The following ARHGEF28 variants were observed in gnomAD, a reference collection of about 807,000 sequenced individuals.
ARHGEF28 encodes the protein 190 kDa guanine nucleotide exchange factor.
A neutral mutation model predicts 206.6 loss-of-function variants in ARHGEF28; 152 were observed. That is an observed-to-expected ratio of 0.74 (90% CI 0.64 to 0.84). ARHGEF28 has a LOEUF of 0.84. Ranked by LOEUF, ARHGEF28 falls within the 40% of genes least tolerant of loss-of-function variation. The pLI is 0.00. For synonymous variants in ARHGEF28, 763 were observed against 776.4 expected (o/e 0.98, Z 0.29); for missense variants, 2,028 against 2,073.2 (o/e 0.98, Z 0.42).
At chr5:73,801,462 T>TA (rs1168088765) in intron 9 of ARHGEF28, among the ~76,000 whole-genome samples, 3 of 151,528 alleles carry the variant, frequency 2.0e-5, no homozygotes, top group East Asian at 1.9e-4. Context: ...ATAAAAAAAA[T>TA]AAAAAAATAA....
rs568656928 is a variant in ARHGEF28, at chr5:73,759,223, G to A, written c.475+6021G>A. Among the ~76,000 whole-genome samples the A allele has an allele frequency of 1.2e-3, 181 of 152,290 alleles. 1 individual carries two copies. Among genetic ancestry groups the A allele is most frequent in the African/African-American group, 4.2e-3 (175 of 41,552 alleles). ...CCTTAACTTGCAAATAACACCAATA[G>A]AGTTATAACAACCACAACAGATTTA... On this transcript the variant is annotated intron_variant, in intron 4 of 35. Transcript: ENST00000513042.
At position 73,892,038 on chromosome 5, in the gene ARHGEF28, C is replaced by G; in HGVS notation, c.3388-14C>G. ...GGATGCTGTTTCATCTGCTCACCTT[C>G]CTATTTTATGTAGGATCAGAAGCCA... On this transcript the variant is annotated splice_polypyrimidine_tract_variant and intron_variant, in intron 26 of 35. Coordinates refer to ENST00000513042, the MANE Select transcript of ARHGEF28 (RefSeq NM_001177693.2). The G allele has an allele frequency of 6.3e-7, 1 of 1,591,988 alleles. No individual in the cohort carries two copies. Among genetic ancestry groups the G allele is most frequent in the Non-Finnish European group, 8.6e-7 (1 of 1,167,686 alleles).
At chr5:73,859,705 T>G (rs1346817603) in intron 16 of ARHGEF28, among the ~76,000 whole-genome samples, 1 of 152,228 alleles carries the variant, frequency 6.6e-6, no homozygotes, top group East Asian at 1.9e-4. Flanking sequence ...GGGTTGTTTC[T>G]GGCCTGCCCA....
chr5:73,886,905 G>A (rs1170412483), intron 25 of ARHGEF28, among the ~76,000 whole-genome samples: 1 of 152,226 alleles, frequency 6.6e-6, no homozygotes, highest in African/African-American at 2.4e-5. Flanking sequence ...ACATCCATAG[G>A]TAGGCAGTGA....
chr5:73,657,957 A>G (rs1745323597), intron 1 of ARHGEF28, among the ~76,000 whole-genome samples: 1 of 152,154 alleles, frequency 6.6e-6, no homozygotes, highest in African/African-American at 2.4e-5. Context: ...GATTCTTCGT[A>G]GGACATCACT....
At chr5:73,756,321 T>C (rs902931853) in intron 4 of ARHGEF28, among the ~76,000 whole-genome samples, 2 of 152,206 alleles carry the variant, frequency 1.3e-5, no homozygotes, top group Non-Finnish European at 2.9e-5. Context: ...GCAGATACAA[T>C]TGGTTTGGAC....
intron 16 of ARHGEF28, chr5:73,863,349 C>A (rs1759512713): frequency 6.6e-6 from 1 of 152,086 alleles, no homozygotes; most frequent in South Asian, 2.1e-4. Context: ...TTTCTGATCT[C>A]TTCCTTGGGT....
chr5:73,801,371 C>T (rs1210049687), intron 9 of ARHGEF28, among the ~76,000 whole-genome samples: 3 of 151,868 alleles, frequency 2.0e-5, no homozygotes, highest in Non-Finnish European at 2.9e-5. Context: ...GGCGTGAACC[C>T]GGGAGGCAGA....
At chr5:73,727,626 C>T (rs2112342952) in intron 2 of ARHGEF28, among the ~76,000 whole-genome samples, 1 of 152,244 alleles carries the variant, frequency 6.6e-6, no homozygotes, top group Admixed American at 6.5e-5. Context: ...GGTTCTGTCC[C>T]CCTGAGACAT....
Position 73,813,786 on chromosome 5 carries a change from C to T in ARHGEF28, c.1024+18395C>T, listed in dbSNP as rs1395372086. 9 of 1,174,178 alleles carry T rather than the reference C, an allele frequency of 7.7e-6. No individual in the cohort carries two copies. In the East Asian group the frequency reaches 2.1e-4, roughly 27 times the overall value. The allele number at this position is 1,174,178 out of a possible 1,614,324, so 72.7% of individuals were successfully genotyped here. On this transcript the variant is annotated intron_variant, in intron 9 of 35. Transcript: ENST00000513042. ...CCAATGTAGCGCGTGTTTATACGTG[C>T]CTTTATAAAACACTCACTGTACAGA...
At chr5:73,684,935 C>A in intron 2 of ARHGEF28, 51 bp downstream of exon 2, 1 of 1,583,696 alleles carries the variant, frequency 6.3e-7, no homozygotes, top group Non-Finnish European at 8.6e-7. Context: ...TTCTTAACTC[C>A]AAACCATGTG....
chr5:73,681,384 A>G lies in ARHGEF28; in HGVS notation c.-11-3457A>G, dbSNP rs553703823. Among the ~76,000 whole-genome samples the G allele has an allele frequency of 8.5e-5, 13 of 152,300 alleles. No homozygotes were observed. In the East Asian group the frequency reaches 1.5e-3, roughly 18 times the overall value. On this transcript the variant is annotated intron_variant, in intron 1 of 35. Transcript: ENST00000513042. ...ACTTGTTAATGTTCTTGGGTTGGCC[A>G]TTATTTTTATTTTATGGGTGGCTGG...
chr5:73,881,037 GT>G (rs34727630), intron 22 of ARHGEF28, among the ~76,000 whole-genome samples: 7,343 of 146,762 alleles, frequency 0.05, 598 homozygotes, highest in African/African-American at 0.17. Context: ...TTAAGTTCAG[GT>G]TTTTTTTTTT....
chr5:73,775,682 T>G (rs1753501018), intron 5 of ARHGEF28, among the ~76,000 whole-genome samples: 1 of 152,194 alleles, frequency 6.6e-6, no homozygotes, highest in East Asian at 1.9e-4. Context: ...CTGGGAACAA[T>G]CTGGTGGGAT....
intron 5 of ARHGEF28, among the ~76,000 whole-genome samples, chr5:73,774,974 A>G (rs1753461831): frequency 6.6e-6 from 1 of 152,238 alleles, no homozygotes; most frequent in African/African-American, 2.4e-5. Flanking sequence ...ATAGTTATGT[A>G]GTACATAAGT....
chr5:73,653,362 A>G (rs567907225), intron 1 of ARHGEF28, among the ~76,000 whole-genome samples: 1 of 152,364 alleles, frequency 6.6e-6, no homozygotes, highest in African/African-American at 2.4e-5. Context: ...AGGTGTCTGT[A>G]TATCGAGTAT....
At chr5:73,700,978 T>C (rs1748563530) in intron 2 of ARHGEF28, among the ~76,000 whole-genome samples, 1 of 152,228 alleles carries the variant, frequency 6.6e-6, no homozygotes, top group South Asian at 2.1e-4. Context: ...GCTTTCATAA[T>C]AATGCAGTTC....
chr5:73,926,247 T>C (rs1313195086), intron 35 of ARHGEF28, among the ~76,000 whole-genome samples: 3 of 152,204 alleles, frequency 2.0e-5, no homozygotes, highest in Non-Finnish European at 4.4e-5. Context: ...GAGATGGAAA[T>C]TTTATTGGCT....
chr5:73,704,947 T>G (rs1267626887), intron 2 of ARHGEF28, among the ~76,000 whole-genome samples: 1 of 152,174 alleles, frequency 6.6e-6, no homozygotes, highest in Non-Finnish European at 1.5e-5. Context: ...TCTGCACTAC[T>G]ATTTGTCAAT....
Sources: allele counts gnomAD v4.1 joint callset (sites outside exome capture counted in the v4.1 genomes callset), GRCh38; gene constraint gnomAD v4.1.1; transcripts MANE v1.5; gene names NCBI Gene and HGNC (gene_info 2026-07-23, HGNC 2026-07-21).